CNTNAP2: variants seen among roughly 807,000 people sequenced by gnomAD.
CNTNAP2 encodes the protein contactin associated protein 2.
Under a neutral mutation model 155.2 loss-of-function variants are expected in CNTNAP2, and 98 were observed. The ratio of observed to expected loss-of-function variants is 0.63; its 90% CI spans 0.54 to 0.75. CNTNAP2 has a LOEUF of 0.75. Ranked by LOEUF, CNTNAP2 falls within the 30% of genes least tolerant of loss-of-function variation. The pLI is 0.00. For missense variants in CNTNAP2, 1,727 were observed against 1,688.1 expected (o/e 1.02, Z -0.40); for synonymous variants, 651 against 631.2 (o/e 1.03, Z -0.47).
At chr7:146,534,805 C>T (rs1392333466) in intron 1 of CNTNAP2, among the ~76,000 whole-genome samples, 1 of 151,452 alleles carries the variant, frequency 6.6e-6, no homozygotes, top group Non-Finnish European at 1.5e-5. Flanking sequence ...ACACTCAGGA[C>T]TAGAGTCTAA....
At chr7:146,496,671 T>C (rs1466723116) in intron 1 of CNTNAP2, among the ~76,000 whole-genome samples, 1 of 152,162 alleles carries the variant, frequency 6.6e-6, no homozygotes, top group East Asian at 1.9e-4. Context: ...TTCTTTTTTT[T>C]CCCATATCAA....
Position 148,061,987 on chromosome 7 carries a change from ATAGATAGATAGATAGATAGAT to A in CNTNAP2, c.2384-56130_2384-56110del, listed in dbSNP as rs1331224049. Among the ~76,000 whole-genome samples, 14 of 137,246 alleles carry A rather than the reference ATAGATAGATAGATAGATAGAT, an allele frequency of 1.0e-4. 1 individual carries two copies. Among genetic ancestry groups the A allele is most frequent in the Admixed American group, 1.5e-4 (2 of 13,238 alleles). 90.0% of individuals were successfully genotyped at this position (137,246 alleles called of 152,430 possible). ...GATAGATAGATAGATAGATAGATAG[ATAGATAGATAGATAGATAGAT>A]GATAGAGAGAGAGAGAGAGAGTGTG... On this transcript the variant is annotated intron_variant, in intron 15 of 23. Transcript: ENST00000361727.
intron 10 of CNTNAP2, among the ~76,000 whole-genome samples, chr7:147,478,168 T>A (rs7805297): frequency 2.0e-5 from 3 of 150,868 alleles, no homozygotes; most frequent in Non-Finnish European, 3.0e-5. Flanking sequence ...TTTTGGGTGG[T>A]GGGGGAGGGA....
chr7:146,539,217 T>C (rs915373310), intron 1 of CNTNAP2, among the ~76,000 whole-genome samples: 4 of 150,590 alleles, frequency 2.7e-5, no homozygotes, highest in Admixed American at 1.3e-4. Flanking sequence ...CTGCAACCCC[T>C]GTGTAAGTCC....
intron 8 of CNTNAP2, among the ~76,000 whole-genome samples, chr7:147,259,595 G>A (rs1299953221): frequency 6.6e-6 from 1 of 152,196 alleles, no homozygotes; most frequent in East Asian, 1.9e-4. Flanking sequence ...CTGAACAACT[G>A]TATATGGAGG....
At chr7:148,330,083 GTGGACAC>G in intron 21 of CNTNAP2, among the ~76,000 whole-genome samples, 1 of 151,208 alleles carries the variant, frequency 6.6e-6, no homozygotes, top group Admixed American at 6.6e-5. Context: ...GAGGGATGGA[GTGGACAC>G]ATGGAATGGA....
At chr7:146,596,595 CAG>C (rs368697909) in intron 1 of CNTNAP2, among the ~76,000 whole-genome samples, 15,050 of 104,658 alleles carry the variant, frequency 0.14, 863 homozygotes, top group African/African-American at 0.17. Context: ...AGAAGGGAGA[CAG>C]AGAGAGAGAG....
At chr7:147,997,113 C>T (rs1394903857) in intron 15 of CNTNAP2, among the ~76,000 whole-genome samples, 1 of 152,214 alleles carries the variant, frequency 6.6e-6, no homozygotes, top group East Asian at 1.9e-4. Flanking sequence ...TTGGACTTCC[C>T]AGCCTCCAGG....
At chr7:146,407,226 G>T (rs1795805329) in intron 1 of CNTNAP2, among the ~76,000 whole-genome samples, 1 of 152,078 alleles carries the variant, frequency 6.6e-6, no homozygotes, top group Non-Finnish European at 1.5e-5. Flanking sequence ...CAAAATAATT[G>T]GTATTTATAC....
At chr7:146,619,811 T>C (rs1585009967) in intron 1 of CNTNAP2, among the ~76,000 whole-genome samples, 1 of 152,190 alleles carries the variant, frequency 6.6e-6, no homozygotes, top group East Asian at 1.9e-4. Flanking sequence ...TCAGTTTTGA[T>C]AGGTTTTCTC....
intron 1 of CNTNAP2, among the ~76,000 whole-genome samples, chr7:146,203,404 C>T (rs1798897865): frequency 6.6e-6 from 1 of 152,172 alleles, no homozygotes; most frequent in South Asian, 2.1e-4. Context: ...AACATGCTTA[C>T]TTGTTTATCA....
intron 19 of CNTNAP2, 128 bp downstream of exon 19, chr7:148,217,652 C>A: frequency 1.0e-6 from 1 of 996,362 alleles, no homozygotes; most frequent in Non-Finnish European, 1.6e-6. Flanking sequence ...AGTCACATAA[C>A]TTCTTTGAAC....
At chr7:147,169,463 T>G (rs1802183734) in intron 8 of CNTNAP2, among the ~76,000 whole-genome samples, 3 of 152,214 alleles carry the variant, frequency 2.0e-5, no homozygotes, top group Admixed American at 2.0e-4. Context: ...CAGTGTCTAC[T>G]GTTCCCATGT....
At chr7:146,822,470 A>G (rs1319242551) in intron 2 of CNTNAP2, among the ~76,000 whole-genome samples, 2 of 151,664 alleles carry the variant, frequency 1.3e-5, no homozygotes, top group East Asian at 3.9e-4. Context: ...TTAAAGTGTA[A>G]TAATAATACA....
chr7:148,365,782 G>T (rs1358309810), intron 21 of CNTNAP2, among the ~76,000 whole-genome samples: 1 of 96,738 alleles, frequency 1.0e-5, no homozygotes, highest in East Asian at 2.0e-4. Flanking sequence ...ACATGTATGT[G>T]TATGCATGTA....
intron 8 of CNTNAP2, among the ~76,000 whole-genome samples, chr7:147,233,275 T>C (rs985945613): frequency 1.3e-5 from 2 of 152,192 alleles, no homozygotes; most frequent in Non-Finnish European, 2.9e-5. Flanking sequence ...CCTGGGTCCA[T>C]GACACGGCTT....
intron 10 of CNTNAP2, among the ~76,000 whole-genome samples, chr7:147,466,519 G>C (rs1798122397): frequency 6.6e-6 from 1 of 152,120 alleles, no homozygotes; most frequent in African/African-American, 2.4e-5. Flanking sequence ...ATAGGATCTA[G>C]ACACAGGAGA....
intron 1 of CNTNAP2, among the ~76,000 whole-genome samples, chr7:146,616,643 T>C (rs2129155189): frequency 6.6e-6 from 1 of 152,316 alleles, no homozygotes; most frequent in African/African-American, 2.4e-5. Context: ...TCAGCTAGTA[T>C]CTGCATACCT....
Position 146,867,445 on chromosome 7 carries a change from A to C in CNTNAP2, c.402+27541A>C, listed in dbSNP as rs150796740. On this transcript the variant is annotated intron_variant, in intron 3 of 23. Coordinates refer to ENST00000361727, the MANE Select transcript of CNTNAP2 (RefSeq NM_014141.6). ...ATTGATGGGAATTTAGGTTGATTTC[A>C]TATCTTTGCTATCATGAATAGTGCT... Among the ~76,000 whole-genome samples the C allele has an allele frequency of 9.8e-3, 1,486 of 152,218 alleles. 22 individuals are homozygous for C. The highest frequency in any genetic ancestry group is 0.034 in the African/African-American group (1,409 of 41,526).
Sources: allele counts gnomAD v4.1 joint callset (sites outside exome capture counted in the v4.1 genomes callset), GRCh38; gene constraint gnomAD v4.1.1; transcripts MANE v1.5; gene names NCBI Gene and HGNC (gene_info 2026-07-23, HGNC 2026-07-21).